ZFHX4: variants seen among roughly 807,000 people sequenced by gnomAD.
ZFHX4 encodes the protein zinc finger homeobox protein 4.
A neutral mutation model predicts 267.6 loss-of-function variants in ZFHX4; 56 were observed. The observed-to-expected ratio is 0.21, with a 90% CI of 0.17 to 0.26. The LOEUF (loss-of-function observed/expected upper bound fraction) is 0.26, where lower values mean the gene tolerates loss of function less well. Ranked by LOEUF, ZFHX4 falls within the 10% of genes least tolerant of loss-of-function variation. The pLI, the probability that ZFHX4 is intolerant of heterozygous loss-of-function variation, is 1.00. For synonymous variants in ZFHX4, 1,778 were observed against 1,665.6 expected, an observed-to-expected ratio of 1.07 and a Z score of -1.64; for missense variants, 4,332 against 4,420.0, an observed-to-expected ratio of 0.98 and a Z score of 0.56.
intron 4 of ZFHX4, among the ~76,000 whole-genome samples, chr8:76,827,965 T>G (rs528521441): frequency 2.0e-5 from 3 of 152,342 alleles, no homozygotes. Flanking sequence ...GCACTACAGG[T>G]CAACAAAGAT....
chr8:76,780,178 C>G (rs1810512131), intron 4 of ZFHX4, among the ~76,000 whole-genome samples: 1 of 152,058 alleles, frequency 6.6e-6, no homozygotes, highest in African/African-American at 2.4e-5. Context: ...CTTATAGCAC[C>G]TCTTTAACGT....
At chr8:76,803,062 C>A (rs1811153711) in intron 4 of ZFHX4, among the ~76,000 whole-genome samples, 1 of 152,040 alleles carries the variant, frequency 6.6e-6, no homozygotes, top group Non-Finnish European at 1.5e-5. Context: ...CTATGATAGC[C>A]CATTTTTCAC....
intron 6 of ZFHX4, among the ~76,000 whole-genome samples, chr8:76,843,209 C>A (rs1016709647): frequency 6.6e-6 from 1 of 152,158 alleles, no homozygotes; most frequent in East Asian, 1.9e-4. Flanking sequence ...AACCACGTAA[C>A]CCTAAAAATA....
At chr8:76,780,696 T>C (rs971195727) in intron 4 of ZFHX4, among the ~76,000 whole-genome samples, 4 of 152,174 alleles carry the variant, frequency 2.6e-5, no homozygotes, top group Admixed American at 6.5e-5. Context: ...ATAGATATTA[T>C]GAGTTTAACA....
At position 76,854,838 on chromosome 8, in the gene ZFHX4, C is replaced by G. The variant is rs192552752; in HGVS notation, c.7917C>G (p.Ala2639=). The stretch of plus-strand genomic sequence containing the variant: ...CCAGAAAAATGCTTGATCATATTGC[C>G]CGCGAAGTCGGGCTGAAAAAAAGGG... The part of the protein sequence containing the change: ...NPTRKMLDHI[A]REVGLKKRVV... Residue 2639 remains alanine (A), a synonymous_variant, in exon 10 of 11, where the codon GCC becomes GCG. Transcript: ENST00000651372. The G allele has an allele frequency of 6.4e-5, 103 of 1,610,120 alleles. No homozygotes were observed. Among genetic ancestry groups the G allele is most frequent in the Non-Finnish European group, 8.2e-5 (97 of 1,178,814 alleles).
At chr8:76,710,831 G>A (rs980121086) in intron 3 of ZFHX4, among the ~76,000 whole-genome samples, 1 of 152,122 alleles carries the variant, frequency 6.6e-6, no homozygotes, top group Admixed American at 6.5e-5. Context: ...CTAGGTTAAG[G>A]AGGTTAAAAG....
chr8:76,752,686 A>T (rs909135618), intron 3 of ZFHX4, among the ~76,000 whole-genome samples: 6 of 151,714 alleles, frequency 4.0e-5, no homozygotes, highest in African/African-American at 1.5e-4. Flanking sequence ...ACAAAACAAA[A>T]CAATACAAAA....
chr8:76,721,300 A>G (rs373147512), intron 3 of ZFHX4, among the ~76,000 whole-genome samples: 1 of 152,174 alleles, frequency 6.6e-6, no homozygotes, highest in East Asian at 1.9e-4. Context: ...TGAATTTGCT[A>G]TATTTGTAGG....
At chr8:76,842,153 A>G (rs1028702824) in intron 5 of ZFHX4, among the ~76,000 whole-genome samples, 1 of 152,102 alleles carries the variant, frequency 6.6e-6, no homozygotes, top group African/African-American at 2.4e-5. Context: ...AAGTTTTGAG[A>G]TCTTACTCTA....
Position 76,856,218 on chromosome 8 carries a change from C to G in ZFHX4, c.9297C>G (p.Pro3099=). 6.2e-7 allele frequency: 1 copy of G among 1,613,968 alleles called. No individual in the cohort carries two copies. The highest frequency in any genetic ancestry group is 8.5e-7 in the Non-Finnish European group (1 of 1,179,860). Residue 3099 remains proline, a synonymous_variant, in exon 10 of 11, where the codon CCC becomes CCG. Coordinates refer to ENST00000651372, the MANE Select transcript of ZFHX4 (RefSeq NM_024721.5). The stretch of plus-strand genomic sequence containing the variant: ...GCATCAGCCTGCCAACAGCCTACCC[C>G]GGACTCCCCGGCCTTCCTCCAGTCC... ...LHGISLPTAY[P]GLPGLPPVLL... is the part of the protein sequence containing the mutation.
Position 76,856,098 on chromosome 8 carries a change from G to A in ZFHX4, c.9177G>A (p.Met3059Ile), listed in dbSNP as rs780441939. 3 of 1,613,978 alleles carry A rather than the reference G, an allele frequency of 1.9e-6. No individual in the cohort carries two copies. The South Asian group carries it at 3.3e-5, about 18-fold the overall frequency. ...CTCCGACCACGGTTCGGCAGCTGAT[G>A]GCACAGCAAGAACTTGATCGTATAA... is the stretch of plus-strand genomic sequence containing the variant. The part of the protein sequence containing the change: ...YLAPTTVRQL[M>I]AQQELDRIKK... The change falls in exon 10 of 11, where the codon ATG (methionine) becomes ATA (isoleucine). Residue 3059 changes from methionine (M) to isoleucine (I), a missense_variant. This residue lies in a region of ZFHX4 where 1,648 missense variants were observed against 1,625.0 expected (regional missense o/e 1.01). Transcript: ENST00000651372.
At position 76,704,345 on chromosome 8, in the gene ZFHX4, C is replaced by T; in HGVS notation, c.257C>T (p.Ala86Val). 1 of 1,613,988 alleles carries T rather than the reference C, an allele frequency of 6.2e-7. No homozygotes were observed. The highest frequency in any genetic ancestry group is 8.5e-7 in the Non-Finnish European group (1 of 1,179,888). The part of the protein sequence containing the change: ...SAKEIPCNEC[A>V]TSFPSLQKYM... ...AAGGAGATACCCTGCAACGAATGTG[C>T]CACTTCTTTTCCCAGTTTACAGAAA... Residue 86 changes from alanine (A) to valine (V), a missense_variant, in exon 2 of 11, where the codon GCC (alanine) becomes GTC (valine). Ala to Val is a moderately conservative substitution (Grantham distance 64, BLOSUM62 0). This residue lies in a region of ZFHX4 where 1,195 missense variants were observed against 1,173.6 expected (regional missense o/e 1.02). Transcript: ENST00000651372.
chr8:76,792,179 C>T (rs949507404), intron 4 of ZFHX4, among the ~76,000 whole-genome samples: 4 of 151,934 alleles, frequency 2.6e-5, no homozygotes, highest in African/African-American at 7.3e-5. Flanking sequence ...GATTCTGTAA[C>T]GTAACAGCAA....
chr8:76,705,823 C>A lies in ZFHX4; in HGVS notation c.1735C>A (p.Arg579=). 6.2e-7 allele frequency: 1 copy of A among 1,613,718 alleles called. No individual in the cohort carries two copies. The highest frequency in any genetic ancestry group is 8.5e-7 in the Non-Finnish European group (1 of 1,179,844). The change falls in exon 2 of 11, where the codon CGG becomes AGG. Residue 579 remains arginine (R), a synonymous_variant. Coordinates refer to ENST00000651372, the MANE Select transcript of ZFHX4 (RefSeq NM_024721.5). Reference sequence around the variant, plus strand: ...AGCTGCTCATCCAAGTGAAATAGCCCGGGGAGACGAAGACAGTTCAGCCAC... The same window carrying A: ...AGCTGCTCATCCAAGTGAAATAGCCAGGGGAGACGAAGACAGTTCAGCCAC... ...ATAAHPSEIA[R]GDEDSSATPH...
At chr8:76,682,395 G>A in intron 1 of ZFHX4, 1 of 152,996 alleles carries the variant, frequency 6.5e-6, no homozygotes. Flanking sequence ...AGAGGCTGGG[G>A]TGAACGCTGG....
rs1347396848 is a variant in ZFHX4, at chr8:76,704,734, G to T, written c.646G>T (p.Ala216Ser). The T allele has an allele frequency of 6.2e-7, 1 of 1,613,944 alleles. No individual in the cohort carries two copies. ...CGATCAGGCTTTCCCAAATACCTCAGCATTAGCAGGAGTTGGTCCTGTGTT... is the reference window on the plus strand; with the variant it reads ...CGATCAGGCTTTCCCAAATACCTCATCATTAGCAGGAGTTGGTCCTGTGTT... The part of the protein sequence containing the change: ...TADQAFPNTS[A>S]LAGVGPVLHS... The change falls in exon 2 of 11, where the codon GCA (alanine) becomes TCA (serine). Residue 216 changes from alanine to serine, a missense_variant. Physicochemically the swap from Ala to Ser is moderately conservative, Grantham distance 99. Transcript: ENST00000651372.
At chr8:76,729,216 T>C (rs978566842) in intron 3 of ZFHX4, among the ~76,000 whole-genome samples, 2 of 152,134 alleles carry the variant, frequency 1.3e-5, no homozygotes, top group African/African-American at 4.8e-5. Flanking sequence ...TCTACTACCA[T>C]TGTAATGATA....
At chr8:76,758,504 G>A (rs977468022) in intron 3 of ZFHX4, among the ~76,000 whole-genome samples, 4 of 151,470 alleles carry the variant, frequency 2.6e-5, no homozygotes, top group African/African-American at 9.7e-5. Flanking sequence ...TTGTTTGTTT[G>A]TTTTTTTTGA....
In ZFHX4 at chr8:76,825,285, A is replaced by G. The variant is rs578152574; in HGVS notation, c.3326-8053A>G. ...TTTGCTCCTTAATACCATCCTGCAA[A>G]CTTATTATTGTTTCCACTTTCACAT... On this transcript the variant is annotated intron_variant, in intron 4 of 10. Coordinates refer to ENST00000651372, the MANE Select transcript of ZFHX4 (RefSeq NM_024721.5). Among the ~76,000 whole-genome samples the G allele has an allele frequency of 6.3e-4, 96 of 152,310 alleles. 1 individual carries two copies. Among genetic ancestry groups the G allele is most frequent in the Admixed American group, 6.1e-3 (93 of 15,298 alleles).
Sources: allele counts gnomAD v4.1 joint callset (sites outside exome capture counted in the v4.1 genomes callset), GRCh38; gene constraint gnomAD v4.1.1; regional missense constraint gnomAD v4.1.1; transcripts MANE v1.5; gene names NCBI Gene and HGNC (gene_info 2026-07-23, HGNC 2026-07-21).